The following TG variants were observed in gnomAD, a reference collection of about 807,000 sequenced individuals.
The protein encoded by TG is thyroglobulin.
In TG, 270 loss-of-function variants were observed where a neutral mutation model predicts 324.7. That is an observed-to-expected ratio of 0.83 (90% CI 0.75 to 0.92). The LOEUF is 0.92. Ranked by LOEUF, TG falls within the 40% of genes least tolerant of loss-of-function variation. The probability of loss-of-function intolerance (pLI) is 0.00; values close to 1 mark genes in which losing one functional copy is unlikely to be tolerated. For synonymous variants in TG, 1,401 were observed against 1,327.0 expected, an observed-to-expected ratio of 1.06 and a Z score of -1.21; for missense variants, 3,591 against 3,456.4, an observed-to-expected ratio of 1.04 and a Z score of -0.98.
chr8:133,013,629 A>G lies in TG; in HGVS notation c.6427A>G (p.Thr2143Ala). The change falls in exon 37 of 48, where the codon ACC (threonine) becomes GCC (alanine). Residue 2143 changes from threonine (T) to alanine (A), a missense_variant. Coordinates refer to ENST00000220616, the MANE Select transcript of TG (RefSeq NM_003235.5). ...TTCCCAACATGAGGCCTGTCTCATCACCACTCTGCAAACCCAACCTGGGGC... is the reference window on the plus strand; with the variant it reads ...TTCCCAACATGAGGCCTGTCTCATCGCCACTCTGCAAACCCAACCTGGGGC... ...ECSQHEACLI[T>A]TLQTQPGAVR... 1 of 1,614,202 alleles carries G rather than the reference A, an allele frequency of 6.2e-7. No individual in the cohort carries two copies. Among genetic ancestry groups the G allele is most frequent in the South Asian group, 1.1e-5 (1 of 91,086 alleles).
In TG at chr8:132,942,815, A is replaced by G. The variant is rs188898198; in HGVS notation, c.5233+1273A>G. Among the ~76,000 whole-genome samples, 40 of 152,322 alleles carry G rather than the reference A, an allele frequency of 2.6e-4. No homozygotes were observed. In the East Asian group the frequency reaches 7.7e-3, roughly 29 times the overall value. ...AGGTCAGGGAAGGCTTCCAGGAAGA[A>G]GAGGAACTTGGGCCAGGCTTTGTGG... On this transcript the variant is annotated intron_variant, in intron 26 of 47. Transcript: ENST00000220616.
intron 41 of TG, among the ~76,000 whole-genome samples, chr8:133,094,401 T>C (rs1848100055): frequency 1.3e-5 from 2 of 151,832 alleles, no homozygotes. Flanking sequence ...TCACCACGCC[T>C]GGCTAGTTTT....
Position 133,050,518 on chromosome 8 carries a change from A to ACACTG in TG, c.7239+20499_7239+20503dup, listed in dbSNP as rs1225066317. ...CGGTCTTCATTCCTACATAACATCA[A>ACACTG]CACTGCACATGTGGTGGGAGATAAG... On this transcript the variant is annotated intron_variant, in intron 41 of 47. Coordinates refer to ENST00000220616, the MANE Select transcript of TG (RefSeq NM_003235.5). The ACACTG allele has an allele frequency of 9.0e-6, 3 of 332,854 alleles. No individual in the cohort carries two copies. In the Admixed American group the frequency reaches 1.4e-4, roughly 15 times the overall value. 20.6% of individuals were successfully genotyped at this position (332,854 alleles called of 1,614,324 possible).
intron 27 of TG, among the ~76,000 whole-genome samples, chr8:132,954,464 G>T (rs1826562635): frequency 6.6e-6 from 1 of 152,164 alleles, no homozygotes; most frequent in Admixed American, 6.5e-5. Context: ...GCCAATAAAG[G>T]GTGGACTCTG....
intron 4 of TG, 38 bp downstream of exon 4, chr8:132,871,589 G>A (rs1839486255): frequency 6.2e-7 from 1 of 1,600,356 alleles, no homozygotes; most frequent in African/African-American, 1.3e-5. Flanking sequence ...TAGAGCTGGG[G>A]AGGGGCTGAA....
chr8:132,980,460 C>G (rs141181477), intron 34 of TG, among the ~76,000 whole-genome samples: 3 of 152,058 alleles, frequency 2.0e-5, no homozygotes, highest in Admixed American at 6.5e-5. Flanking sequence ...GAGGCTCCCC[C>G]CCGGCCCTCT....
intron 35 of TG, among the ~76,000 whole-genome samples, chr8:132,989,129 T>C (rs1425301553): frequency 1.3e-5 from 2 of 152,208 alleles, no homozygotes; most frequent in African/African-American, 4.8e-5. Context: ...CTGAGACTTA[T>C]TCACTATCAT....
In TG at chr8:132,882,903, G is replaced by A. The variant is rs747404900; in HGVS notation, c.979G>A (p.Ala327Thr). The change falls in exon 8 of 48, where the codon GCG (alanine) becomes ACG (threonine). Residue 327 changes from alanine to threonine, a missense_variant. Ala to Thr is a moderately conservative substitution (Grantham distance 58). Transcript: ENST00000220616. ...CTGCCGCCGAAATGGCGACTATCAG[G>A]CGGTGCAGTGCCAGACGGAAGGGCC... is the stretch of plus-strand genomic sequence containing the variant. The part of the protein sequence containing the change: ...PSCRRNGDYQ[A>T]VQCQTEGPCW... 11 of 1,614,208 alleles carry A rather than the reference G, an allele frequency of 6.8e-6. No homozygotes were observed. The South Asian group carries it at 1.1e-4, about 16-fold the overall frequency.
chr8:133,125,801 T>C (rs557788066), intron 45 of TG, among the ~76,000 whole-genome samples: 3 of 152,220 alleles, frequency 2.0e-5, no homozygotes, highest in African/African-American at 7.2e-5. Context: ...TGGTTGAAGG[T>C]GCAGAGGGAA....
intron 43 of TG, chr8:133,106,319 C>T (rs956958827): frequency 3.9e-5 from 31 of 794,794 alleles, no homozygotes; most frequent in African/African-American, 2.6e-4. Flanking sequence ...CGCTGAGGGG[C>T]CAGTCGGCTC....
At chr8:133,007,741 G>T (rs948340737) in intron 35 of TG, among the ~76,000 whole-genome samples, 2 of 151,150 alleles carry the variant, frequency 1.3e-5, no homozygotes, top group Non-Finnish European at 2.9e-5. Context: ...TATTAATGAG[G>T]TATTTATTAG....
chr8:132,965,050 C>A, intron 29 of TG: 1 of 655,758 alleles, frequency 1.5e-6, no homozygotes, highest in Non-Finnish European at 2.7e-6. Flanking sequence ...TCTTGAGGGG[C>A]AATCTGTGAT....
chr8:132,894,686 C>T (rs1158797695), intron 11 of TG, among the ~76,000 whole-genome samples: 2 of 152,170 alleles, frequency 1.3e-5, no homozygotes, highest in Admixed American at 6.5e-5. Context: ...GTCTCGAACC[C>T]GTGACTTCAA....
rs139722405 is a variant in TG at position 132,904,210 on chromosome 8, G to C, written c.3635-2478G>C. Among the ~76,000 whole-genome samples the C allele has an allele frequency of 7.8e-3, 1,187 of 152,314 alleles. 14 individuals carry two copies. Among genetic ancestry groups the C allele is most frequent in the African/African-American group, 0.026 (1,080 of 41,566 alleles). On this transcript the variant is annotated intron_variant, in intron 16 of 47. Coordinates refer to ENST00000220616, the MANE Select transcript of TG (RefSeq NM_003235.5). ...GTTGTGAAGATGGAGTCAACGCCTG[G>C]GAGGCCTTTGGGCAGTCCTGGCATG...
At chr8:132,923,901 C>A (rs1369417017) in intron 22 of TG, among the ~76,000 whole-genome samples, 1 of 152,056 alleles carries the variant, frequency 6.6e-6, no homozygotes, top group African/African-American at 2.4e-5. Flanking sequence ...AGCAGCAGTC[C>A]CCAACCTTTT....
intron 41 of TG, among the ~76,000 whole-genome samples, chr8:133,087,202 C>CT (rs1201315576): frequency 6.6e-6 from 1 of 151,710 alleles, no homozygotes. Flanking sequence ...TTTTAATTTT[C>CT]TTTGTTTCGT....
At chr8:132,881,268 T>C (rs899581373) in intron 5 of TG, among the ~76,000 whole-genome samples, 1 of 152,220 alleles carries the variant, frequency 6.6e-6, no homozygotes, top group Non-Finnish European at 1.5e-5. Context: ...AATCTCTTTC[T>C]TCAGTTTACG....
chr8:133,022,811 G>A (rs569838076), intron 40 of TG, among the ~76,000 whole-genome samples: 4 of 152,232 alleles, frequency 2.6e-5, no homozygotes, highest in South Asian at 2.1e-4. Context: ...TGCAGTGGTC[G>A]GGACAGAGTC....
chr8:133,037,643 T>C (rs984898103), intron 41 of TG: 2 of 152,128 alleles, frequency 1.3e-5, no homozygotes, highest in African/African-American at 4.8e-5. Context: ...CGCATCTTTT[T>C]TTTTTTTTTG....
Sources: allele counts gnomAD v4.1 joint callset (sites outside exome capture counted in the v4.1 genomes callset), GRCh38; gene constraint gnomAD v4.1.1; transcripts MANE v1.5; gene names NCBI Gene and HGNC (gene_info 2026-07-23, HGNC 2026-07-21).